The following JHY variants were observed in gnomAD, a reference collection of about 807,000 sequenced individuals.
The protein encoded by JHY is jhy protein homolog.
JHY carries 69 observed loss-of-function variants against 78.0 expected under a neutral mutation model. The ratio of observed to expected loss-of-function variants is 0.88; its 90% confidence interval spans 0.73 to 1.08. JHY has a LOEUF of 1.08. Among genes scored for constraint, JHY ranks in the 50% least tolerant of loss-of-function variants. The pLI, the probability that JHY is intolerant of heterozygous loss-of-function variation, is 0.00. For missense variants in JHY, 944 were observed against 927.8 expected, an observed-to-expected ratio of 1.02 and a Z score of -0.23; for synonymous variants, 368 against 342.6, an observed-to-expected ratio of 1.07 and a Z score of -0.82.
chr11:122,909,205 A>G (rs539248875), intron 3 of JHY, among the ~76,000 whole-genome samples: 75 of 152,346 alleles, frequency 4.9e-4, no homozygotes, highest in Middle Eastern at 3.4e-3. Flanking sequence ...AACTATCAAA[A>G]TTCTTTAAGT....
chr11:122,946,012 T>C (rs1473947818), intron 5 of JHY, among the ~76,000 whole-genome samples: 1 of 152,224 alleles, frequency 6.6e-6, no homozygotes, highest in Non-Finnish European at 1.5e-5. Flanking sequence ...AGATCTTGCA[T>C]ATCCTATACC....
At chr11:122,912,145 G>A (rs937193970) in intron 3 of JHY, among the ~76,000 whole-genome samples, 1 of 151,284 alleles carries the variant, frequency 6.6e-6, no homozygotes, top group African/African-American at 2.4e-5. Flanking sequence ...AACTTAGCTG[G>A]GCCTCGTGGT....
rs144464448 is a variant in JHY at position 122,946,768 on chromosome 11, G to T, written c.1905G>T (p.Lys635Asn). 2 of 1,612,308 alleles carry T rather than the reference G, an allele frequency of 1.2e-6. No homozygotes were observed. Among genetic ancestry groups the T allele is most frequent in the Non-Finnish European group, 1.7e-6 (2 of 1,179,544 alleles). Residue 635 changes from lysine to asparagine, a missense_variant, in exon 6 of 9, where the codon AAG becomes AAT. Coordinates refer to ENST00000227349, the MANE Select transcript of JHY (RefSeq NM_024806.4). ...TGTTTCAACTGGAAAAGGGAAAAAA[G>T]CATAAGAAAAGAAGCAGCAGTAAGG... ...GYLFQLEKGK[K>N]HKKRSSSKNT...
At chr11:122,934,239 C>A (rs568129838) in intron 4 of JHY, among the ~76,000 whole-genome samples, 181 bp from the exon 5 acceptor site, 1 of 151,930 alleles carries the variant, frequency 6.6e-6, no homozygotes, top group Non-Finnish European at 1.5e-5. Flanking sequence ...TGGTGTGAAC[C>A]TGGGAGGCGG....
intron 4 of JHY, among the ~76,000 whole-genome samples, chr11:122,926,608 G>A (rs942426021): frequency 6.6e-6 from 1 of 152,236 alleles, no homozygotes; most frequent in Admixed American, 6.5e-5. Context: ...TCTCATGGCT[G>A]TGGGATGTGG....
At chr11:122,905,649 C>T in intron 3 of JHY, 3 of 933,758 alleles carry the variant, frequency 3.2e-6, no homozygotes, top group Non-Finnish European at 3.8e-6. Context: ...GGGAGGATCA[C>T]TTGAGGCCAC....
chr11:122,934,920 G>T lies in JHY; in HGVS notation c.1479G>T (p.Leu493Phe), dbSNP rs1268042041. The T allele has an allele frequency of 1.2e-6, 2 of 1,613,970 alleles. No individual in the cohort carries two copies. The highest frequency in any genetic ancestry group is 1.7e-6 in the Non-Finnish European group (2 of 1,180,034). ...QQLHTLSDMD[L>F]NNLNELSKRH... ...TACACACCCTTTCTGACATGGATTTGAACAACCTTAATGAACTTTCTAAGA... is the reference window on the plus strand; with the variant it reads ...TACACACCCTTTCTGACATGGATTTTAACAACCTTAATGAACTTTCTAAGA... Residue 493 changes from leucine (L) to phenylalanine (F), a missense_variant, in exon 5 of 9, where the codon TTG becomes TTT. Coordinates refer to ENST00000227349, the MANE Select transcript of JHY (RefSeq NM_024806.4).
intron 2 of JHY, among the ~76,000 whole-genome samples, chr11:122,899,238 CA>C (rs1343797333): frequency 3.3e-5 from 5 of 152,188 alleles, no homozygotes; most frequent in African/African-American, 1.2e-4. Flanking sequence ...CCTGCTGAAT[CA>C]ATGAATGAGC....
At chr11:122,940,659 A>G (rs1184090151) in intron 5 of JHY, among the ~76,000 whole-genome samples, 2 of 152,230 alleles carry the variant, frequency 1.3e-5, no homozygotes, top group Admixed American at 6.5e-5. Flanking sequence ...TAATTATCCT[A>G]GTTTTCAACA....
chr11:122,934,499 A>G lies in JHY; in HGVS notation c.1058A>G (p.Asn353Ser). ...AGAGGGCAACCTTCTGACATGGTGA[A>G]TGACCATCAACCTTCCAGAAGACCA... is the stretch of plus-strand genomic sequence containing the variant. ...VPRGQPSDMV[N>S]DHQPSRRPAK... The change falls in exon 5 of 9, where the codon AAT becomes AGT. Residue 353 changes from asparagine to serine, a missense_variant. Coordinates refer to ENST00000227349, the MANE Select transcript of JHY (RefSeq NM_024806.4). The G allele has an allele frequency of 6.2e-7, 1 of 1,614,046 alleles. No individual in the cohort carries two copies. Among genetic ancestry groups the G allele is most frequent in the Non-Finnish European group, 8.5e-7 (1 of 1,179,950 alleles).
rs982486660 is a variant in JHY, at chr11:122,946,927, G to A, written c.1929+135G>A. ...ACACTGGGTCGCCCAGAGTCCTAAG[G>A]AGTTTCTTACTCCTGCCCCTGCTAC... is the stretch of plus-strand genomic sequence containing the variant. On this transcript the variant is annotated intron_variant, in intron 6 of 8. Transcript: ENST00000227349. 9.4e-6 allele frequency: 10 copies of A among 1,060,832 alleles called. No homozygotes were observed. In the African/African-American group the frequency reaches 1.6e-4, roughly 17 times the overall value. 65.7% of individuals were successfully genotyped at this position (1,060,832 alleles called of 1,614,324 possible).
intron 5 of JHY, among the ~76,000 whole-genome samples, chr11:122,939,313 C>T (rs1863823104): frequency 6.6e-6 from 1 of 152,060 alleles, no homozygotes; most frequent in African/African-American, 2.4e-5. Flanking sequence ...AGACTTTCAA[C>T]CAAATCTTTT....
At chr11:122,957,215 C>A in intron 7 of JHY, 148 bp from the exon 8 acceptor site, 1 of 810,840 alleles carries the variant, frequency 1.2e-6, no homozygotes, top group Non-Finnish European at 1.8e-6. Flanking sequence ...AACCATTTCA[C>A]TGCTGCCACC....
At position 122,960,981 on chromosome 11, in the gene JHY, A is replaced by C; in HGVS notation, c.*1536A>C. On this transcript the variant is annotated 3_prime_UTR_variant, in exon 9 of 9. Transcript: ENST00000227349. Reference sequence around the variant, plus strand: ...TTGAAAGGAACAAGAGCACATGATAAATTGGGTGCAGAGCATCTCTGCACA... The same window carrying C: ...TTGAAAGGAACAAGAGCACATGATACATTGGGTGCAGAGCATCTCTGCACA... 2.5e-6 allele frequency: 2 copies of C among 807,922 alleles called. No individual in the cohort carries two copies. Among genetic ancestry groups the C allele is most frequent in the Non-Finnish European group, 4.4e-6 (2 of 457,822 alleles). 50.0% of individuals were successfully genotyped at this position (807,922 alleles called of 1,614,324 possible).
intron 4 of JHY, among the ~76,000 whole-genome samples, chr11:122,928,549 C>A (rs4936762): frequency 1.6e-4 from 23 of 144,584 alleles, no homozygotes; most frequent in Non-Finnish European, 2.4e-4. Flanking sequence ...CCAAAAGATA[C>A]GGGGAAAAAA....
intron 3 of JHY, among the ~76,000 whole-genome samples, chr11:122,909,428 T>C (rs552913668): frequency 6.6e-6 from 1 of 152,278 alleles, no homozygotes; most frequent in South Asian, 2.1e-4. Flanking sequence ...ACTAAACCTC[T>C]CTGTGCCTCA....
chr11:122,892,481 C>T (rs1294439574), intron 2 of JHY, among the ~76,000 whole-genome samples: 1 of 151,998 alleles, frequency 6.6e-6, no homozygotes, highest in African/African-American at 2.4e-5. Context: ...TGCCACCATG[C>T]CTGGCTAATT....
chr11:122,956,651 C>T, intron 7 of JHY, 75 bp downstream of exon 7: 1 of 1,243,704 alleles, frequency 8.0e-7, no homozygotes, highest in Admixed American at 1.9e-5. Context: ...TATGAAGACG[C>T]CCCCCAGAAT....
chr11:122,926,206 AG>A (rs367873275), intron 4 of JHY, among the ~76,000 whole-genome samples: 69 of 89,040 alleles, frequency 7.7e-4, no homozygotes, highest in African/African-American at 2.1e-3. Flanking sequence ...AAAAAAAAAA[AG>A]AAAAAAGAAA....
Sources: allele counts gnomAD v4.1 joint callset (sites outside exome capture counted in the v4.1 genomes callset), GRCh38; gene constraint gnomAD v4.1.1; transcripts MANE v1.5; gene names NCBI Gene and HGNC (gene_info 2026-07-23, HGNC 2026-07-21).